The following DCC variants were observed in gnomAD, a reference collection of about 807,000 sequenced individuals.
The protein encoded by DCC is netrin receptor DCC.
Under a neutral mutation model 172.5 loss-of-function variants are expected in DCC, and 58 were observed. That is an observed-to-expected ratio of 0.34 (90% CI 0.27 to 0.42). The LOEUF is 0.42. DCC is among the 10% of genes least tolerant of loss of function. DCC has a pLI of 1.00. For missense variants in DCC, 1,740 were observed against 1,791.0 expected (o/e 0.97, Z 0.51); for synonymous variants, 709 against 644.5 (o/e 1.10, Z -1.52).
At position 52,648,051 on chromosome 18, in the gene DCC, T is replaced by C. The variant is rs79472758; in HGVS notation, c.92-104003T>C. ...TTGAATTATGAGTAGGAACGAGATG[T>C]TCAAAGGGAAGAGAAAAGCATTCCA... On this transcript the variant is annotated intron_variant, in intron 1 of 28. Transcript: ENST00000442544. Among the ~76,000 whole-genome samples, 517 of 152,290 alleles carry C rather than the reference T, an allele frequency of 3.4e-3. 3 individuals are homozygous for C. The highest frequency in any genetic ancestry group is 0.012 in the African/African-American group (480 of 41,572).
chr18:52,799,199 C>A (rs1268496856), intron 2 of DCC, among the ~76,000 whole-genome samples: 1 of 152,176 alleles, frequency 6.6e-6, no homozygotes, highest in Non-Finnish European at 1.5e-5. Context: ...TTGAGACTTC[C>A]ATTAATTTAT....
chr18:53,399,376 G>A (rs1384086122), intron 18 of DCC, among the ~76,000 whole-genome samples: 1 of 152,100 alleles, frequency 6.6e-6, no homozygotes, highest in Admixed American at 6.6e-5. Context: ...ATAAGACCAT[G>A]GAATTCCCAA....
rs189809010 is a variant in DCC at position 52,779,687 on chromosome 18, C to T, written c.412+27313C>T. On this transcript the variant is annotated intron_variant, in intron 2 of 28. Transcript: ENST00000442544. ...TATATCCAGTAATGGGATTGCTGGG[C>T]CAAATGGTATTTCTAGTTCTAGATC... is the stretch of plus-strand genomic sequence containing the variant. Among the ~76,000 whole-genome samples, 261 of 152,140 alleles carry T rather than the reference C, an allele frequency of 1.7e-3. 1 individual carries two copies. The highest frequency in any genetic ancestry group is 2.9e-3 in the Non-Finnish European group (199 of 67,986).
chr18:52,999,275 A>T (rs2041529848), intron 5 of DCC, among the ~76,000 whole-genome samples: 1 of 152,118 alleles, frequency 6.6e-6, no homozygotes, highest in South Asian at 2.1e-4. Context: ...AGCTCTACAG[A>T]CATTAAAAAG....
At chr18:53,174,273 G>A (rs1414857040) in intron 8 of DCC, among the ~76,000 whole-genome samples, 2 of 143,312 alleles carry the variant, frequency 1.4e-5, no homozygotes, top group African/African-American at 5.3e-5. Context: ...AAAAGAACTA[G>A]AAAAGCAAGA....
chr18:52,626,497 A>G (rs2034576140), intron 1 of DCC, among the ~76,000 whole-genome samples: 1 of 152,034 alleles, frequency 6.6e-6, no homozygotes, highest in Non-Finnish European at 1.5e-5. Context: ...TACAAAAACC[A>G]GAGTGATCTT....
intron 1 of DCC, among the ~76,000 whole-genome samples, chr18:52,540,752 G>A (rs894646508): frequency 2.0e-4 from 30 of 151,656 alleles, no homozygotes; most frequent in African/African-American, 7.0e-4. Context: ...GACTACAGGC[G>A]CCCGCCACCA....
At chr18:53,445,096 C>G (rs1912515054) in intron 22 of DCC, among the ~76,000 whole-genome samples, 1 of 152,184 alleles carries the variant, frequency 6.6e-6, no homozygotes, top group African/African-American at 2.4e-5. Flanking sequence ...GTCCAAGGAA[C>G]TGTACCCCCA....
At chr18:53,493,301 T>C (rs927426642) in intron 26 of DCC, among the ~76,000 whole-genome samples, 4 of 152,332 alleles carry the variant, frequency 2.6e-5, no homozygotes, top group African/African-American at 9.6e-5. Context: ...CTCTTCCTAA[T>C]TGAATACTCT....
At chr18:52,967,890 T>G (rs1270219600) in intron 5 of DCC, among the ~76,000 whole-genome samples, 9 of 152,204 alleles carry the variant, frequency 5.9e-5, no homozygotes, top group Non-Finnish European at 1.0e-4. Context: ...GTATGGATAA[T>G]GGATGATGTA....
intron 21 of DCC, among the ~76,000 whole-genome samples, chr18:53,424,736 C>T (rs1231221896): frequency 6.6e-6 from 1 of 152,134 alleles, no homozygotes; most frequent in East Asian, 1.9e-4. Context: ...ACAGGATGGG[C>T]TCCAGGAACA....
intron 7 of DCC, among the ~76,000 whole-genome samples, chr18:53,066,986 A>G (rs1469908337): frequency 6.6e-6 from 1 of 151,958 alleles, no homozygotes; most frequent in Non-Finnish European, 1.5e-5. Context: ...ATCTCATGAG[A>G]ACTCAGTCAC....
chr18:52,907,469 T>G (rs1370248298), intron 3 of DCC, among the ~76,000 whole-genome samples: 2 of 152,168 alleles, frequency 1.3e-5, no homozygotes, highest in East Asian at 3.9e-4. Context: ...CCAGGCTGAA[T>G]GCAGTGGTGC....
At chr18:53,435,330 G>A in intron 22 of DCC, 121 bp downstream of exon 22, 1 of 695,468 alleles carries the variant, frequency 1.4e-6, no homozygotes, top group East Asian at 2.7e-5. Flanking sequence ...TAGTGTCTTA[G>A]TGGGATAATA....
At chr18:52,601,249 C>A (rs1414382018) in intron 1 of DCC, among the ~76,000 whole-genome samples, 1 of 151,900 alleles carries the variant, frequency 6.6e-6, no homozygotes, top group African/African-American at 2.4e-5. Context: ...TACCTACAAT[C>A]TATTATACAT....
intron 2 of DCC, among the ~76,000 whole-genome samples, chr18:52,801,516 G>A (rs1050584692): frequency 1.3e-5 from 2 of 152,140 alleles, no homozygotes; most frequent in African/African-American, 4.8e-5. Context: ...AAAGAAGATT[G>A]CCTTAGTCAA....
chr18:52,632,036 A>C (rs2034687396), intron 1 of DCC, among the ~76,000 whole-genome samples: 1 of 152,138 alleles, frequency 6.6e-6, no homozygotes, highest in Non-Finnish European at 1.5e-5. Flanking sequence ...AACCTCTTCC[A>C]AGTGACTCCC....
chr18:52,994,346 G>T (rs991062867), intron 5 of DCC, among the ~76,000 whole-genome samples: 1 of 152,002 alleles, frequency 6.6e-6, no homozygotes, highest in African/African-American at 2.4e-5. Context: ...GGGAGGCAGG[G>T]GGTAAAGTGG....
chr18:53,223,254 AT>A (rs1437698818), intron 12 of DCC, among the ~76,000 whole-genome samples: 21 of 152,220 alleles, frequency 1.4e-4, no homozygotes, highest in Non-Finnish European at 2.9e-4. Context: ...AGAATGTTAT[AT>A]TTTTGTCTTT....
Sources: allele counts gnomAD v4.1 joint callset (sites outside exome capture counted in the v4.1 genomes callset), GRCh38; gene constraint gnomAD v4.1.1; transcripts MANE v1.5; gene names NCBI Gene and HGNC (gene_info 2026-07-23, HGNC 2026-07-21).